OTUD7A: variants seen among roughly 807,000 people sequenced by gnomAD.
OTUD7A encodes the protein OTU deubiquitinase 7A, also known as OTU domain-containing protein 7A.
In OTUD7A, 12 loss-of-function variants were observed where a neutral mutation model predicts 65.7. That is an observed-to-expected ratio of 0.18 (90% confidence interval 0.12 to 0.30). The LOEUF is 0.30. Ranked by LOEUF, OTUD7A falls within the 10% of genes least tolerant of loss-of-function variation. The pLI is 1.00. For missense variants in OTUD7A, 1,148 were observed against 1,304.8 expected (o/e 0.88, Z 1.85); for synonymous variants, 641 against 586.3 (o/e 1.09, Z -1.35).
chr15:31,868,827 A>C (rs1897948379), intron 1 of OTUD7A, among the ~76,000 whole-genome samples: 1 of 152,144 alleles, frequency 6.6e-6, no homozygotes, highest in Admixed American at 6.5e-5. Flanking sequence ...CTGAACACTA[A>C]AGGCCTAAGT....
chr15:31,648,453 TCAGA>T (rs1891741442), intron 3 of OTUD7A, among the ~76,000 whole-genome samples: 1 of 152,136 alleles, frequency 6.6e-6, no homozygotes, highest in East Asian at 1.9e-4. Context: ...CATGCAGACC[TCAGA>T]CAGGGGAAAC....
chr15:31,770,461 T>C (rs1020555569), intron 1 of OTUD7A, among the ~76,000 whole-genome samples: 4 of 152,204 alleles, frequency 2.6e-5, no homozygotes, highest in African/African-American at 9.6e-5. Context: ...CACCCTGAAA[T>C]GGTGTCACTG....
chr15:31,500,369 G>A (rs926916091), intron 10 of OTUD7A, among the ~76,000 whole-genome samples: 3 of 152,250 alleles, frequency 2.0e-5, no homozygotes, highest in Non-Finnish European at 4.4e-5. Context: ...TGTCACGGCC[G>A]GCTGTAGCCT....
At chr15:31,554,005 T>C (rs969543571) in intron 5 of OTUD7A, among the ~76,000 whole-genome samples, 3 of 152,194 alleles carry the variant, frequency 2.0e-5, no homozygotes, top group Non-Finnish European at 2.9e-5. Flanking sequence ...CCCATTCTCC[T>C]GCCCTCCTTT....
At chr15:31,776,209 G>A (rs529471393) in intron 1 of OTUD7A, among the ~76,000 whole-genome samples, 5 of 152,342 alleles carry the variant, frequency 3.3e-5, no homozygotes, top group Non-Finnish European at 5.9e-5. Flanking sequence ...AGTAGGGCCT[G>A]GCAAATGGCC....
chr15:31,728,123 G>T (rs1377825383), intron 1 of OTUD7A, among the ~76,000 whole-genome samples: 1 of 152,172 alleles, frequency 6.6e-6, no homozygotes, highest in Non-Finnish European at 1.5e-5. Flanking sequence ...AAAAGCACAT[G>T]TGGCTGTCTT....
chr15:31,754,012 T>C (rs933327755), intron 1 of OTUD7A, among the ~76,000 whole-genome samples: 1 of 152,070 alleles, frequency 6.6e-6, no homozygotes, highest in Admixed American at 6.5e-5. Context: ...GTTCACTGCA[T>C]CCATGCCAAC....
intron 1 of OTUD7A, among the ~76,000 whole-genome samples, chr15:31,867,413 G>C (rs899225544): frequency 2.0e-5 from 3 of 152,138 alleles, no homozygotes; most frequent in Non-Finnish European, 4.4e-5. Context: ...AGCTTGCTCA[G>C]AGCAAAGTGC....
chr15:31,484,372 C>G lies in OTUD7A; in HGVS notation c.1724G>C (p.Arg575Pro). ...ERGKEKKAKSRKGSKEESGAS... is the reference protein window; with the variant it reads ...ERGKEKKAKSPKGSKEESGAS... ...ACCAGACTCCTCCTTGCTGCCCTTGCGCGACTTGGCCTTCTTCTCCTTGCC... is the reference window on the plus strand; with the variant it reads ...ACCAGACTCCTCCTTGCTGCCCTTGGGCGACTTGGCCTTCTTCTCCTTGCC... The change falls in exon 13 of 13, where the codon CGC becomes CCC. Residue 575 changes from arginine to proline, a missense_variant. Around this residue, in one of 6 missense-constraint regions of OTUD7A, gnomAD observed 842 missense variants for 769.5 expected, o/e 1.09. Transcript: ENST00000307050. The surrounding 1 kb of genome is among the most constrained non-coding windows in gnomAD (Gnocchi z 4.5). 2 of 1,601,142 alleles carry G rather than the reference C, an allele frequency of 1.2e-6. No individual in the cohort carries two copies. The highest frequency in any genetic ancestry group is 2.2e-5 in the East Asian group (1 of 44,812).
chr15:31,735,400 C>T (rs145977237), intron 1 of OTUD7A, among the ~76,000 whole-genome samples: 2,149 of 152,074 alleles, frequency 0.014, 59 homozygotes, highest in African/African-American at 0.05. Flanking sequence ...TGGTGGCACA[C>T]GCCTGTAATC....
chr15:31,680,304 C>G (rs2338930), intron 1 of OTUD7A, among the ~76,000 whole-genome samples: 131 of 152,132 alleles, frequency 8.6e-4, no homozygotes, highest in African/African-American at 3.0e-3. Flanking sequence ...TCAGTATCTT[C>G]CTGAGAGAAC....
At chr15:31,514,270 C>T (rs376999477) in intron 8 of OTUD7A, among the ~76,000 whole-genome samples, 14 of 152,082 alleles carry the variant, frequency 9.2e-5, no homozygotes, top group South Asian at 2.1e-4. Context: ...AGGCTGGTCT[C>T]GAACTTCTGG....
chr15:31,816,002 A>C (rs996096182), intron 1 of OTUD7A, among the ~76,000 whole-genome samples: 9 of 152,182 alleles, frequency 5.9e-5, no homozygotes, highest in Admixed American at 3.9e-4. Flanking sequence ...CGACCAGAGG[A>C]GGCACATGCC....
chr15:31,560,278 G>C (rs1278396251), intron 4 of OTUD7A, among the ~76,000 whole-genome samples: 1 of 152,214 alleles, frequency 6.6e-6, no homozygotes, highest in East Asian at 1.9e-4. Flanking sequence ...ACAATATTAA[G>C]TCAGTCCATG....
At chr15:31,858,393 G>A (rs953588121) in intron 1 of OTUD7A, among the ~76,000 whole-genome samples, 3 of 152,144 alleles carry the variant, frequency 2.0e-5, no homozygotes, top group African/African-American at 7.2e-5. Context: ...CCTCTACAAA[G>A]GGGAAATTCC....
chr15:31,669,941 G>A (rs935024333), intron 1 of OTUD7A, among the ~76,000 whole-genome samples: 6 of 146,376 alleles, frequency 4.1e-5, no homozygotes, highest in South Asian at 2.2e-4. Flanking sequence ...GTGTGTGTTC[G>A]GGAGAGCAGG....
chr15:31,669,315 G>C (rs373918231), intron 1 of OTUD7A, among the ~76,000 whole-genome samples: 1 of 152,198 alleles, frequency 6.6e-6, no homozygotes, highest in Non-Finnish European at 1.5e-5. Flanking sequence ...CCTTCGGTGC[G>C]TCTTGCTGAG....
intron 10 of OTUD7A, among the ~76,000 whole-genome samples, chr15:31,491,028 C>A (rs2041310979): frequency 6.6e-6 from 1 of 152,114 alleles, no homozygotes; most frequent in South Asian, 2.1e-4. Flanking sequence ...AGGCATGCTT[C>A]TTTCCAGGAA....
At chr15:31,751,898 G>A (rs947690684) in intron 1 of OTUD7A, among the ~76,000 whole-genome samples, 19 of 152,168 alleles carry the variant, frequency 1.2e-4, no homozygotes, top group Admixed American at 7.2e-4. Context: ...TCCAAAGGAA[G>A]AGAAGGAGAG....
Sources: gnomAD v4.1 joint callset for allele counts (sites outside exome capture counted in the v4.1 genomes callset) on GRCh38, gnomAD v4.1.1 for gene constraint, gnomAD v4.1.1 regional missense constraint, Gnocchi (gnomAD v3.1) non-coding constraint, MANE v1.5 for transcripts, NCBI Gene and HGNC (gene_info 2026-07-23, HGNC 2026-07-21) for gene names.